Variants in NSF observed in about 807,000 individuals in gnomAD.
NSF encodes vesicle-fusing ATPase.
A neutral mutation model predicts 50.3 loss-of-function variants in NSF; 14 were observed. The observed-to-expected ratio is 0.28, with a 90% CI of 0.18 to 0.44. The LOEUF (loss-of-function observed/expected upper bound fraction) is 0.44, where lower values mean the gene tolerates loss of function less well. NSF is among the 20% of genes least tolerant of loss of function. The pLI, the probability that NSF is intolerant of heterozygous loss-of-function variation, is 1.00. For synonymous variants in NSF, 109 were observed against 175.7 expected (o/e 0.62, Z 3.00); for missense variants, 218 against 504.3 (o/e 0.43, Z 5.44).
At chr17:46,598,062 G>GT (rs1469496130) in intron 1 of NSF, among the ~76,000 whole-genome samples, 1 of 44,842 alleles carries the variant, frequency 2.2e-5, no homozygotes. Context: ...GCCTACCAAA[G>GT]TGCTGGGATT....
intron 9 of NSF, among the ~76,000 whole-genome samples, chr17:46,684,422 A>G (rs1237647320): frequency 6.6e-6 from 1 of 151,848 alleles, no homozygotes; most frequent in African/African-American, 2.4e-5. Context: ...GTGCCTCAAT[A>G]AACATGTGTG....
intron 15 of NSF, chr17:46,721,505 C>T (rs1256249059): frequency 4.4e-6 from 4 of 908,016 alleles, no homozygotes; most frequent in South Asian, 2.8e-5. Flanking sequence ...CAGGAAACTT[C>T]ATAATAGAAC....
Position 46,749,870 on chromosome 17 carries a change from A to G in NSF, c.2006A>G (p.Asn669Ser), listed in dbSNP as rs765884403. The change falls in exon 18 of 21, where the codon AAC becomes AGC. Residue 669 changes from asparagine (N) to serine (S), a missense_variant. Physicochemically the swap from Asn to Ser is conservative, Grantham distance 46 (BLOSUM62 1). This residue lies in a region of NSF where 209 missense variants were observed against 320.9 expected (regional missense o/e 0.65). Coordinates refer to ENST00000398238, the MANE Select transcript of NSF (RefSeq NM_006178.4). ...NAFSTTIHVP[N>S]IATGEQLLEA... The stretch of plus-strand genomic sequence containing the variant: ...TTCAGCACCACCATCCACGTGCCCA[A>G]CATTGCCACAGGAGAGCAGCTGTTG... The G allele has an allele frequency of 9.3e-6, 15 of 1,614,032 alleles. No homozygotes were observed. The highest frequency in any genetic ancestry group is 3.3e-5 in the Admixed American group (2 of 60,004).
At chr17:46,631,103 C>CACAG (rs2058135286) in intron 4 of NSF, among the ~76,000 whole-genome samples, 1 of 146,136 alleles carries the variant, frequency 6.8e-6, no homozygotes, top group Non-Finnish European at 1.5e-5. Context: ...CACACACACA[C>CACAG]ACATCTTTTA....
intron 18 of NSF, 40 bp downstream of exon 18, chr17:46,749,947 A>G (rs1324760584): frequency 3.8e-6 from 6 of 1,596,758 alleles, no homozygotes; most frequent in South Asian, 1.1e-5. Context: ...TTTATAAGAA[A>G]GGAATTGAGG....
intron 17 of NSF, among the ~76,000 whole-genome samples, chr17:46,735,529 G>A (rs1260218410): frequency 1.3e-5 from 2 of 151,272 alleles, no homozygotes; most frequent in Non-Finnish European, 2.9e-5. Context: ...AGCCTTGAAC[G>A]TCCCTTAATT....
chr17:46,743,666 G>A (rs1279032036), intron 17 of NSF, among the ~76,000 whole-genome samples: 1 of 152,110 alleles, frequency 6.6e-6, no homozygotes, highest in Non-Finnish European at 1.5e-5. Context: ...TGGTTAAAAG[G>A]TGCAGCATGG....
Position 46,755,932 on chromosome 17 carries a change from A to C in NSF, c.*109A>C. On this transcript the variant is annotated 3_prime_UTR_variant, in exon 21 of 21. Coordinates refer to ENST00000398238, the MANE Select transcript of NSF (RefSeq NM_006178.4). ...TACTGGACTAAGTGGAACGTTCTCT[A>C]CCTTCAACATGTGCTCGCTCTGCAT... 1.9e-6 allele frequency: 2 copies of C among 1,052,138 alleles called. No individual in the cohort carries two copies. Among genetic ancestry groups the C allele is most frequent in the Admixed American group, 4.4e-5 (2 of 45,850 alleles). The allele number at this position is 1,052,138 out of a possible 1,614,324, so 65.2% of individuals were successfully genotyped here.
Position 46,713,882 on chromosome 17 carries a change from G to A in NSF, c.1657G>A (p.Ala553Thr), listed in dbSNP as rs1248932450. The part of the protein sequence containing the change: ...GPPHSGKTAL[A>T]AKIAEESNFP... ...TCCTCACAGTGGGAAGACTGCTTTAGCTGCAAAAATTGCAGAGGAATCCAA... is the reference window on the plus strand; with the variant it reads ...TCCTCACAGTGGGAAGACTGCTTTAACTGCAAAAATTGCAGAGGAATCCAA... The change falls in exon 15 of 21, where the codon GCT becomes ACT. Residue 553 changes from alanine (A) to threonine (T), a missense_variant. Ala to Thr is a moderately conservative substitution (Grantham distance 58). This residue lies in a region of NSF where 209 missense variants were observed against 320.9 expected (regional missense o/e 0.65). Coordinates refer to ENST00000398238, the MANE Select transcript of NSF (RefSeq NM_006178.4). 1 of 1,612,424 alleles carries A rather than the reference G, an allele frequency of 6.2e-7. No homozygotes were observed. Among genetic ancestry groups the A allele is most frequent in the South Asian group, 1.1e-5 (1 of 90,658 alleles).
chr17:46,636,076 T>G (rs1437889562), intron 4 of NSF, among the ~76,000 whole-genome samples: 1 of 44,832 alleles, frequency 2.2e-5, no homozygotes, highest in East Asian at 3.0e-4. Flanking sequence ...TCTAGGGAAA[T>G]GCTTCTTTGT....
chr17:46,733,820 A>T (rs2058973952), intron 17 of NSF, among the ~76,000 whole-genome samples: 1 of 152,228 alleles, frequency 6.6e-6, no homozygotes, highest in African/African-American at 2.4e-5. Flanking sequence ...ACTGAAGTAG[A>T]ACTCAGACCT....
intron 4 of NSF, among the ~76,000 whole-genome samples, chr17:46,635,745 A>C (rs1392952604): frequency 1.6e-5 from 2 of 121,846 alleles, no homozygotes; most frequent in East Asian, 4.1e-4. Context: ...ATTTTAGGAC[A>C]AGTATCTTCA....
At chr17:46,735,297 C>T (rs1003456049) in intron 17 of NSF, among the ~76,000 whole-genome samples, 6 of 152,028 alleles carry the variant, frequency 3.9e-5, no homozygotes, top group African/African-American at 1.4e-4. Context: ...AATATTTTTT[C>T]ATTGCTAGAA....
chr17:46,676,235 T>C (rs1268448858), intron 9 of NSF, among the ~76,000 whole-genome samples: 1 of 111,698 alleles, frequency 9.0e-6, no homozygotes, highest in Non-Finnish European at 2.3e-5. Flanking sequence ...TTCTTCTTCT[T>C]TTTTTTTTTT....
At chr17:46,609,935 C>T (rs1406906140) in intron 1 of NSF, among the ~76,000 whole-genome samples, 1 of 143,844 alleles carries the variant, frequency 7.0e-6, no homozygotes, top group Non-Finnish European at 1.6e-5. Flanking sequence ...AAACCTCTCA[C>T]CTCAGCCCCC....
chr17:46,738,735 A>C (rs1025076022), intron 17 of NSF, among the ~76,000 whole-genome samples: 2 of 152,170 alleles, frequency 1.3e-5, no homozygotes, highest in Non-Finnish European at 2.9e-5. Context: ...TCCTTTTTCC[A>C]GTGTGCTGCT....
chr17:46,751,500 T>G lies in NSF; in HGVS notation c.2044-3T>G. 3 of 1,611,216 alleles carry G rather than the reference T, an allele frequency of 1.9e-6. No individual in the cohort carries two copies. The highest frequency in any genetic ancestry group is 2.5e-6 in the Non-Finnish European group (3 of 1,177,414). ...CTTTGATTATTGTTTATTGTTTTTG[T>G]AGCTTTTGGGCAACTTCAAGGATAA... is the stretch of plus-strand genomic sequence containing the variant. On this transcript the variant is annotated splice_region_variant and splice_polypyrimidine_tract_variant and intron_variant, in intron 18 of 20. Coordinates refer to ENST00000398238, the MANE Select transcript of NSF (RefSeq NM_006178.4).
chr17:46,738,262 A>G (rs1297698118), intron 17 of NSF, among the ~76,000 whole-genome samples: 1 of 152,030 alleles, frequency 6.6e-6, no homozygotes, highest in Non-Finnish European at 1.5e-5. Flanking sequence ...GTACAATATG[A>G]TACTTGAGAA....
intron 4 of NSF, among the ~76,000 whole-genome samples, chr17:46,635,847 A>C (rs2058183276): frequency 7.7e-6 from 1 of 129,882 alleles, no homozygotes; most frequent in Non-Finnish European, 1.7e-5. Flanking sequence ...ATTGAAGAGT[A>C]GCAATAGACT....
Sources: gnomAD v4.1 joint callset for allele counts (sites outside exome capture counted in the v4.1 genomes callset) on GRCh38, gnomAD v4.1.1 for gene constraint, gnomAD v4.1.1 regional missense constraint, MANE v1.5 for transcripts, NCBI Gene and HGNC (gene_info 2026-07-23, HGNC 2026-07-21) for gene names.